Variants in GLIS3 observed in about 807,000 individuals in gnomAD.
The protein encoded by GLIS3 is zinc finger protein GLIS3.
GLIS3 carries 53 observed loss-of-function variants against 78.6 expected under a neutral mutation model. The ratio of observed to expected loss-of-function variants is 0.67; its 90% confidence interval spans 0.54 to 0.85. The LOEUF (loss-of-function observed/expected upper bound fraction) is 0.85. GLIS3 is among the 40% of genes least tolerant of loss of function. The pLI is 0.00. For synonymous variants in GLIS3, 684 were observed against 509.9 expected (o/e 1.34, Z -4.60); for missense variants, 1,703 against 1,231.1 (o/e 1.38, Z -5.74).
At chr9:4,228,198 C>CAAAAA (rs59507597) in intron 2 of GLIS3, among the ~76,000 whole-genome samples, 62 of 106,924 alleles carry the variant, frequency 5.8e-4, no homozygotes, top group African/African-American at 2.1e-3. Context: ...TCTAAGGTGG[C>CAAAAA]AAAAAAAAAA....
chr9:4,413,079 A>G, the GLIS3 span, among the ~76,000 whole-genome samples: 1 of 152,256 alleles, frequency 6.6e-6, no homozygotes. Context: ...CCTAACAAAT[A>G]CAACATGCTC....
intron 2 of GLIS3, among the ~76,000 whole-genome samples, chr9:4,322,755 G>T (rs1318080273): frequency 2.6e-5 from 4 of 152,144 alleles, no homozygotes; most frequent in African/African-American, 9.7e-5. Context: ...TTTTGATGGG[G>T]TTGTTTGATT....
chr9:4,414,617 C>G, the GLIS3 span, among the ~76,000 whole-genome samples: 1 of 152,114 alleles, frequency 6.6e-6, no homozygotes, highest in Non-Finnish European at 1.5e-5. Flanking sequence ...CTTTTCAGAA[C>G]TTTTTTGGGT....
chr9:4,128,256 T>G (rs1194704367), intron 2 of GLIS3, among the ~76,000 whole-genome samples: 3 of 152,216 alleles, frequency 2.0e-5, no homozygotes, highest in Admixed American at 1.3e-4. Context: ...CCACTACCTG[T>G]TAGGCAGATC....
At chr9:4,089,912 T>C (rs1328661130) in intron 4 of GLIS3, among the ~76,000 whole-genome samples, 1 of 152,196 alleles carries the variant, frequency 6.6e-6, no homozygotes, top group Non-Finnish European at 1.5e-5. Flanking sequence ...CGGGTGATCA[T>C]AAAGAGGAGT....
intron 2 of GLIS3, among the ~76,000 whole-genome samples, chr9:4,172,296 C>G (rs948250793): frequency 5.3e-5 from 8 of 152,258 alleles, no homozygotes; most frequent in African/African-American, 1.9e-4. Flanking sequence ...AACTCCTTAC[C>G]TACAACTCCA....
chr9:3,859,842 A>G (rs1469800347), intron 8 of GLIS3, among the ~76,000 whole-genome samples: 3 of 152,250 alleles, frequency 2.0e-5, no homozygotes, highest in South Asian at 2.1e-4. Flanking sequence ...CCAGAAACAG[A>G]TCGCACAAAA....
intron 2 of GLIS3, among the ~76,000 whole-genome samples, chr9:4,216,333 C>T (rs1476725390): frequency 6.6e-6 from 1 of 151,860 alleles, no homozygotes; most frequent in South Asian, 2.1e-4. Context: ...ATTAGCCGGG[C>T]GTGGTGGCGG....
At chr9:3,988,986 A>G (rs187414888) in intron 4 of GLIS3, among the ~76,000 whole-genome samples, 1 of 152,270 alleles carries the variant, frequency 6.6e-6, no homozygotes, top group Admixed American at 6.5e-5. Flanking sequence ...AGACTGGGGA[A>G]AACATTTGCA....
intron 4 of GLIS3, among the ~76,000 whole-genome samples, chr9:4,050,838 T>C (rs1825701425): frequency 6.6e-6 from 1 of 152,146 alleles, no homozygotes; most frequent in Non-Finnish European, 1.5e-5. Context: ...CCATCAGAGA[T>C]GGGCCTCCAC....
chr9:4,073,977 A>C (rs1448696759), intron 4 of GLIS3, among the ~76,000 whole-genome samples: 1 of 152,188 alleles, frequency 6.6e-6, no homozygotes. Context: ...AGGCCATCAT[A>C]CGAACTGAGA....
chr9:4,216,679 G>A (rs1587007336), intron 2 of GLIS3, among the ~76,000 whole-genome samples: 1 of 152,078 alleles, frequency 6.6e-6, no homozygotes, highest in Admixed American at 6.5e-5. Flanking sequence ...ATCCCAATAT[G>A]CCTATGCCTT....
rs1378770218 is a variant in GLIS3, at chr9:3,898,778, A to G, written c.2041T>C (p.Ser681Pro). ...CTAGGGGAAGTGGCCGGCTGCAGGGACTGCACGGTGAGGCAATCTGTGAGC... is the reference window on the plus strand; with the variant it reads ...CTAGGGGAAGTGGCCGGCTGCAGGGGCTGCACGGTGAGGCAATCTGTGAGC... ...DLLTDCLTVQ[S>P]LQPATSPRDA... Residue 681 changes from serine to proline, a missense_variant, in exon 7 of 11, where the codon TCC (serine) becomes CCC (proline). Ser to Pro is a moderately conservative substitution (Grantham distance 74). Coordinates refer to ENST00000381971, the MANE Select transcript of GLIS3 (RefSeq NM_001042413.2). 3 of 1,614,008 alleles carry G rather than the reference A, an allele frequency of 1.9e-6. No homozygotes were observed. Among genetic ancestry groups the G allele is most frequent in the African/African-American group, 2.7e-5 (2 of 74,908 alleles).
rs150953680 is a variant in GLIS3, at chr9:3,857,620, TAAAC to T, written c.2298-1440_2298-1437del. 1.2e-3 allele frequency among the ~76,000 whole-genome samples: 184 copies of T among 152,294 alleles called. No homozygotes were observed. In the East Asian group the frequency reaches 0.014, roughly 11 times the overall value. On this transcript the variant is annotated intron_variant, in intron 8 of 10. Transcript: ENST00000381971. ...GGAAAAGAAGTCAAGGCGAGGAGCT[TAAAC>T]AAACCAGCTGGGTTGGGATGCCTGT... is the stretch of plus-strand genomic sequence containing the variant.
intron 3 of GLIS3, among the ~76,000 whole-genome samples, chr9:4,120,247 T>C (rs1042883468): frequency 1.3e-5 from 2 of 151,194 alleles, no homozygotes; most frequent in Admixed American, 1.3e-4. Context: ...TACAAGCATA[T>C]GATATTAGCA....
At chr9:4,377,221 G>T in the GLIS3 span, among the ~76,000 whole-genome samples, 4 of 135,150 alleles carry the variant, frequency 3.0e-5, 2 homozygotes, top group African/African-American at 1.0e-4. Context: ...CCTCGATGTG[G>T]GTGGCCACCA....
intron 2 of GLIS3, among the ~76,000 whole-genome samples, chr9:4,155,118 T>C (rs1251811367): frequency 6.6e-6 from 1 of 152,242 alleles, no homozygotes; most frequent in Non-Finnish European, 1.5e-5. Context: ...GATAAGTTTC[T>C]TTTATTCTTT....
intron 2 of GLIS3, among the ~76,000 whole-genome samples, chr9:4,264,671 T>C (rs1295896170): frequency 1.3e-5 from 2 of 152,156 alleles, no homozygotes; most frequent in Non-Finnish European, 2.9e-5. Context: ...CTTCCCTAAA[T>C]GTCCTTTCTA....
chr9:3,848,701 A>G (rs1819217748), intron 9 of GLIS3, among the ~76,000 whole-genome samples: 1 of 152,196 alleles, frequency 6.6e-6, no homozygotes, highest in Non-Finnish European at 1.5e-5. Context: ...CCATTTAAAT[A>G]TCAATGCTCT....
Sources: gnomAD v4.1 joint callset for allele counts (sites outside exome capture counted in the v4.1 genomes callset) on GRCh38, gnomAD v4.1.1 for gene constraint, MANE v1.5 for transcripts, NCBI Gene and HGNC (gene_info 2026-07-23, HGNC 2026-07-21) for gene names.